Variants in MAP7 observed in about 807,000 individuals in gnomAD.
MAP7 encodes the protein ensconsin.
In MAP7, 52 loss-of-function variants were observed where a neutral mutation model predicts 94.8. That is an observed-to-expected ratio of 0.55 (90% CI 0.44 to 0.69). MAP7 has a LOEUF of 0.69. Ranked by LOEUF, MAP7 falls within the 30% of genes least tolerant of loss-of-function variation. The pLI, the probability that MAP7 is intolerant of heterozygous loss-of-function variation, is 0.00. For missense variants in MAP7, 940 were observed against 964.6 expected, an observed-to-expected ratio of 0.97 and a Z score of 0.34; for synonymous variants, 350 against 357.0, an observed-to-expected ratio of 0.98 and a Z score of 0.22.
chr6:136,515,284 G>T (rs1824471748), intron 1 of MAP7, among the ~76,000 whole-genome samples: 1 of 152,192 alleles, frequency 6.6e-6, no homozygotes, highest in Non-Finnish European at 1.5e-5. Flanking sequence ...ACGTGTGGCT[G>T]GTTTGATCTT....
intron 1 of MAP7, among the ~76,000 whole-genome samples, chr6:136,502,784 G>A (rs1263398636): frequency 6.6e-6 from 1 of 152,148 alleles, no homozygotes; most frequent in African/African-American, 2.4e-5. Flanking sequence ...AATTCAGACT[G>A]CACTCTTATA....
chr6:136,383,774 G>A lies in MAP7; in HGVS notation c.534C>T (p.Asp178=), dbSNP rs1307711858. Residue 178 remains aspartate (D), a synonymous_variant, in exon 6 of 18, where the codon GAC becomes GAT. Transcript: ENST00000354570. Reference sequence around the variant, plus strand: ...GATTCATGGTGGAAACTGACCGCCTGTCTGGATCTAAAACAAATGGAGATA... The same window carrying A: ...GATTCATGGTGGAAACTGACCGCCTATCTGGATCTAAAACAAATGGAGATA... The part of the protein sequence containing the change: ...GSPSIHSADP[D]RRSVSTMNLS... The A allele has an allele frequency of 5.6e-6, 9 of 1,598,428 alleles. No individual in the cohort carries two copies. The highest frequency in any genetic ancestry group is 6.9e-6 in the Non-Finnish European group (8 of 1,167,112).
chr6:136,548,958 C>A (rs1188982487), intron 1 of MAP7, among the ~76,000 whole-genome samples: 8 of 152,142 alleles, frequency 5.3e-5, no homozygotes, highest in Admixed American at 3.9e-4. Context: ...TTCTCCACCC[C>A]AAAACAAAAT....
At chr6:136,515,136 G>A (rs1824443253) in intron 1 of MAP7, among the ~76,000 whole-genome samples, 3 of 152,198 alleles carry the variant, frequency 2.0e-5, no homozygotes, top group Admixed American at 1.3e-4. Flanking sequence ...ATGTTATGGA[G>A]ACACTTTCTT....
chr6:136,470,663 A>T (rs556892998), intron 1 of MAP7, among the ~76,000 whole-genome samples: 2 of 152,110 alleles, frequency 1.3e-5, no homozygotes, highest in East Asian at 3.9e-4. Context: ...TTTATTCCAC[A>T]AAGAATTGTG....
intron 1 of MAP7, among the ~76,000 whole-genome samples, chr6:136,437,378 A>G (rs1447131879): frequency 6.6e-6 from 1 of 152,098 alleles, no homozygotes. Flanking sequence ...CTAGAAGCCA[A>G]ATAGATTTGT....
intron 16 of MAP7, among the ~76,000 whole-genome samples, chr6:136,347,116 G>GCC (rs1787921050): frequency 6.7e-6 from 1 of 148,198 alleles, no homozygotes; most frequent in Non-Finnish European, 1.5e-5. Flanking sequence ...TCTGTTATAG[G>GCC]CTTATTATTA....
chr6:136,365,167 C>T (rs1012360511), intron 10 of MAP7: 1 of 152,194 alleles, frequency 6.6e-6, no homozygotes, highest in Non-Finnish European at 1.5e-5. Context: ...AGATTTTTTT[C>T]ATGGCTATTA....
intron 1 of MAP7, among the ~76,000 whole-genome samples, chr6:136,428,173 T>G (rs150029605): frequency 6.6e-6 from 1 of 152,140 alleles, no homozygotes; most frequent in Admixed American, 6.5e-5. Context: ...CAAAGAGAAG[T>G]TGAGGCAGTT....
At chr6:136,402,678 C>G (rs188200363) in intron 3 of MAP7, among the ~76,000 whole-genome samples, 1,744 of 151,250 alleles carry the variant, frequency 0.012, 16 homozygotes, top group Non-Finnish European at 0.016. Context: ...AGGCCGAGGC[C>G]GGCGGATCAC....
chr6:136,353,748 T>C (rs1317212156), intron 16 of MAP7, among the ~76,000 whole-genome samples: 1 of 152,158 alleles, frequency 6.6e-6, no homozygotes, highest in Non-Finnish European at 1.5e-5. Context: ...AAAAGGGGTT[T>C]CACCATGTTC....
At chr6:136,391,115 G>C (rs919491724) in intron 3 of MAP7, among the ~76,000 whole-genome samples, 5 of 151,996 alleles carry the variant, frequency 3.3e-5, no homozygotes, top group African/African-American at 4.8e-5. Flanking sequence ...TGGACATTTG[G>C]GTTGGTTCCA....
intron 1 of MAP7, among the ~76,000 whole-genome samples, chr6:136,495,344 C>T (rs373911706): frequency 6.6e-5 from 10 of 152,132 alleles, no homozygotes; most frequent in South Asian, 4.1e-4. Context: ...GTGTGTGGAC[C>T]GTTCCAATTT....
At chr6:136,356,406 T>A (rs2128548339) in intron 16 of MAP7, among the ~76,000 whole-genome samples, 1 of 152,194 alleles carries the variant, frequency 6.6e-6, no homozygotes, top group East Asian at 1.9e-4. Context: ...CCTTAAGTAA[T>A]CCTCCCTCCT....
At chr6:136,395,327 C>CT (rs1313693224) in intron 3 of MAP7, among the ~76,000 whole-genome samples, 3 of 150,068 alleles carry the variant, frequency 2.0e-5, no homozygotes, top group Non-Finnish European at 3.0e-5. Flanking sequence ...TGATGTTGAG[C>CT]TTTTTGCAGA....
chr6:136,365,096 G>C (rs1047797295), intron 10 of MAP7: 1 of 152,222 alleles, frequency 6.6e-6, no homozygotes, highest in African/African-American at 2.4e-5. Context: ...CGTGTTTGTG[G>C]CTCTATCAAT....
intron 1 of MAP7, among the ~76,000 whole-genome samples, chr6:136,452,651 C>G (rs1330078285): frequency 1.3e-5 from 2 of 151,970 alleles, no homozygotes; most frequent in African/African-American, 4.8e-5. Context: ...CTCCTAGGTT[C>G]AAGTGACTGT....
intron 1 of MAP7, chr6:136,526,644 C>A (rs1168693024): frequency 1.0e-5 from 10 of 985,398 alleles, no homozygotes; most frequent in Admixed American, 6.2e-5. Flanking sequence ...TTCCTCTCAG[C>A]GGCAGCGCAG....
At chr6:136,438,567 T>C (rs567506146) in intron 1 of MAP7, among the ~76,000 whole-genome samples, 8 of 152,302 alleles carry the variant, frequency 5.3e-5, no homozygotes, top group Admixed American at 3.9e-4. Context: ...GTGCCCATGA[T>C]GACCTGTCCT....
Sources: gnomAD v4.1 joint callset for allele counts (sites outside exome capture counted in the v4.1 genomes callset) on GRCh38, gnomAD v4.1.1 for gene constraint, MANE v1.5 for transcripts, NCBI Gene and HGNC (gene_info 2026-07-23, HGNC 2026-07-21) for gene names.